Variants in RAB3GAP1 observed in about 807,000 individuals in gnomAD.
The protein encoded by RAB3GAP1 is rab3 GTPase-activating protein catalytic subunit.
RAB3GAP1 carries 86 observed loss-of-function variants against 130.7 expected under a neutral mutation model. The ratio of observed to expected loss-of-function variants is 0.66; its 90% CI spans 0.55 to 0.79. The LOEUF (loss-of-function observed/expected upper bound fraction) is 0.79, where lower values mean the gene tolerates loss of function less well. Ranked by LOEUF, RAB3GAP1 falls within the 30% of genes least tolerant of loss-of-function variation. The pLI, the probability that RAB3GAP1 is intolerant of heterozygous loss-of-function variation, is 0.00. For synonymous variants in RAB3GAP1, 367 were observed against 401.7 expected (o/e 0.91, Z 1.03); for missense variants, 1,029 against 1,169.4 (o/e 0.88, Z 1.75).
chr2:135,075,027 A>G (rs1429460822), intron 3 of RAB3GAP1, among the ~76,000 whole-genome samples: 4 of 152,198 alleles, frequency 2.6e-5, no homozygotes, highest in African/African-American at 9.7e-5. Context: ...AGGACTCCAC[A>G]CTTTGCATCA....
chr2:135,105,197 C>CCCCCTT, intron 5 of RAB3GAP1, among the ~76,000 whole-genome samples: 1 of 114,922 alleles, frequency 8.7e-6, no homozygotes, highest in Admixed American at 8.4e-5. Flanking sequence ...CTCTCCCTCT[C>CCCCCTT]CCCCTTCCCT....
At chr2:135,089,191 A>G (rs1408384374) in intron 3 of RAB3GAP1, among the ~76,000 whole-genome samples, 1 of 152,022 alleles carries the variant, frequency 6.6e-6, no homozygotes, top group Non-Finnish European at 1.5e-5. Flanking sequence ...GTCAAAGATC[A>G]GATGGTTGTA....
rs1432677331 is a variant in RAB3GAP1 at position 135,124,257 on chromosome 2, C to T, written c.830+11C>T. The T allele has an allele frequency of 4.4e-6, 7 of 1,608,694 alleles. No homozygotes were observed. The highest frequency in any genetic ancestry group is 6.0e-6 in the Non-Finnish European group (7 of 1,175,092). Reference sequence around the variant, plus strand: ...CGAAGATCCTATTAGGTGAGAATTTCAACCTGTCATTTGAATTGTGGGAAT... The same window carrying T: ...CGAAGATCCTATTAGGTGAGAATTTTAACCTGTCATTTGAATTGTGGGAAT... On this transcript the variant is annotated intron_variant, in intron 9 of 23. Transcript: ENST00000264158.
Position 135,150,618 on chromosome 2 carries a change from T to C in RAB3GAP1, c.2061+112T>C, listed in dbSNP as rs1692147530. On this transcript the variant is annotated intron_variant, in intron 18 of 23. Coordinates refer to ENST00000264158, the MANE Select transcript of RAB3GAP1 (RefSeq NM_012233.3). ...GCCTGAATGTCTTTTTGTTAAGTGT[T>C]TGGATTTCATTAGTAGTTCAACACT... 3.0e-6 allele frequency: 4 copies of C among 1,340,030 alleles called. No homozygotes were observed. The South Asian group carries it at 4.9e-5, about 16-fold the overall frequency. The allele number at this position is 1,340,030 out of a possible 1,614,324, so 83.0% of individuals were successfully genotyped here. A position where few individuals can be genotyped will look rare whatever the true frequency, so the allele number is the denominator to read the frequency against.
chr2:135,059,037 G>A (rs1013380929), intron 3 of RAB3GAP1: 19 of 151,930 alleles, frequency 1.3e-4, no homozygotes, highest in African/African-American at 4.1e-4. Flanking sequence ...CAGGCAACAT[G>A]GTGAGACCCT....
intron 3 of RAB3GAP1, among the ~76,000 whole-genome samples, chr2:135,065,695 G>A (rs1000530295): frequency 3.3e-5 from 5 of 151,636 alleles, no homozygotes; most frequent in African/African-American, 7.3e-5. Flanking sequence ...ATATGTATGC[G>A]TGAAAACTTA....
At chr2:135,052,519 A>G (rs1219627786) in intron 2 of RAB3GAP1, 34 bp downstream of exon 2, 3 of 1,612,168 alleles carry the variant, frequency 1.9e-6, no homozygotes, top group Non-Finnish European at 2.5e-6. Flanking sequence ...ACCAGCTCCC[A>G]TGGGCCCTGG....
intron 5 of RAB3GAP1, among the ~76,000 whole-genome samples, chr2:135,106,097 G>T (rs953104413): frequency 4.6e-5 from 7 of 152,162 alleles, no homozygotes; most frequent in Admixed American, 1.3e-4. Context: ...TCCGGGAGGT[G>T]GGGGTCAGCC....
chr2:135,057,790 G>C (rs1409254184), intron 2 of RAB3GAP1, among the ~76,000 whole-genome samples: 1 of 152,024 alleles, frequency 6.6e-6, no homozygotes, highest in Non-Finnish European at 1.5e-5. Context: ...GCTTTTGTTG[G>C]GTAAGCAATA....
intron 8 of RAB3GAP1, among the ~76,000 whole-genome samples, chr2:135,122,103 GA>G (rs1328089932): frequency 6.6e-6 from 1 of 150,544 alleles, no homozygotes; most frequent in East Asian, 1.9e-4. Flanking sequence ...AAAAAAAAAA[GA>G]AAAAAAATTA....
intron 17 of RAB3GAP1, chr2:135,136,696 C>CT: frequency 3.1e-6 from 4 of 1,301,666 alleles, no homozygotes; most frequent in Non-Finnish European, 4.1e-6. Flanking sequence ...AATAAATCCT[C>CT]TTTTGCAACC....
Position 135,133,914 on chromosome 2 carries a change from G to A in RAB3GAP1, c.1380G>A (p.Leu460=). 6.2e-7 allele frequency: 1 copy of A among 1,613,724 alleles called. No individual in the cohort carries two copies. The highest frequency in any genetic ancestry group is 8.5e-7 in the Non-Finnish European group (1 of 1,179,682). Residue 460 remains leucine, a synonymous_variant, in exon 15 of 24, where the codon CTG becomes CTA. Coordinates refer to ENST00000264158, the MANE Select transcript of RAB3GAP1 (RefSeq NM_012233.3). ...SAPSDSLTYK[L]ALCLCMINFY... ...CATCTGACAGTTTAACATACAAACTGGCTTTGTGTCTCTGTATGATCAATT... is the reference window on the plus strand; with the variant it reads ...CATCTGACAGTTTAACATACAAACTAGCTTTGTGTCTCTGTATGATCAATT...
At chr2:135,057,798 A>G (rs1479321151) in intron 2 of RAB3GAP1, among the ~76,000 whole-genome samples, 3 of 152,238 alleles carry the variant, frequency 2.0e-5, no homozygotes, top group East Asian at 3.8e-4. Flanking sequence ...TGGGTAAGCA[A>G]TAGATATAAA....
chr2:135,098,560 A>G (rs1402787315), intron 5 of RAB3GAP1, among the ~76,000 whole-genome samples: 1 of 152,182 alleles, frequency 6.6e-6, no homozygotes, highest in East Asian at 1.9e-4. Flanking sequence ...TCTGAGGGTG[A>G]AAGCAGCTGT....
rs549791181 is a variant in RAB3GAP1, at chr2:135,088,478, C to T, written c.151-2520C>T. Among the ~76,000 whole-genome samples the T allele has an allele frequency of 9.0e-4, 136 of 151,856 alleles. 1 individual carries two copies. Among genetic ancestry groups the T allele is most frequent in the African/African-American group, 2.9e-3 (122 of 41,440 alleles). On this transcript the variant is annotated intron_variant, in intron 3 of 23. Coordinates refer to ENST00000264158, the MANE Select transcript of RAB3GAP1 (RefSeq NM_012233.3). ...CTGAGGTGGGCAGATGACTTGAGGT[C>T]AGGAGTTCAAGACCAGCCTGGCCAA...
chr2:135,121,651 G>C (rs1691204982), intron 8 of RAB3GAP1, among the ~76,000 whole-genome samples: 1 of 152,018 alleles, frequency 6.6e-6, no homozygotes, highest in African/African-American at 2.4e-5. Context: ...TAAAATATAA[G>C]AATTTTACTA....
chr2:135,162,852 G>GT lies in RAB3GAP1; in HGVS notation c.2490+2dup. 1 of 1,608,164 alleles carries GT rather than the reference G, an allele frequency of 6.2e-7. No individual in the cohort carries two copies. The highest frequency in any genetic ancestry group is 2.2e-5 in the East Asian group (1 of 44,850). Reference sequence around the variant, plus strand: ...CAATCCAGAAGACAAGAAATTGGAAGTAAGTTTGATGTAGTGTCAGAATCT... The same window carrying GT: ...CAATCCAGAAGACAAGAAATTGGAAGTTAAGTTTGATGTAGTGTCAGAATCT... On this transcript the variant is annotated splice_donor_variant, in intron 21 of 23. Transcript: ENST00000264158. LOFTEE classifies it high-confidence loss of function.
intron 5 of RAB3GAP1, among the ~76,000 whole-genome samples, chr2:135,104,632 C>G (rs1260704802): frequency 6.6e-6 from 1 of 151,908 alleles, no homozygotes; most frequent in East Asian, 1.9e-4. Context: ...GTGGGCAGAT[C>G]ACTTGAGGTC....
At chr2:135,081,363 C>T (rs199829022) in intron 3 of RAB3GAP1, among the ~76,000 whole-genome samples, 1,437 of 53,692 alleles carry the variant, frequency 0.027, 72 homozygotes, top group African/African-American at 0.13. Context: ...TATATATATA[C>T]ACACACGTGT....
Sources: allele counts gnomAD v4.1 joint callset (sites outside exome capture counted in the v4.1 genomes callset), GRCh38; gene constraint gnomAD v4.1.1; transcripts MANE v1.5; gene names NCBI Gene and HGNC (gene_info 2026-07-23, HGNC 2026-07-21).